The following KRT6C variants were observed in gnomAD, a reference collection of about 807,000 sequenced individuals.
KRT6C encodes the protein keratin, type II cytoskeletal 6C.
Under a neutral mutation model 49.4 loss-of-function variants are expected in KRT6C, and 46 were observed. The ratio of observed to expected loss-of-function variants is 0.93; its 90% CI spans 0.74 to 1.19. The LOEUF is 1.19. Among genes scored for constraint, KRT6C ranks in the 50% most tolerant of loss-of-function variants. The pLI, the probability that KRT6C is intolerant of heterozygous loss-of-function variation, is 0.00. For synonymous variants in KRT6C, 236 were observed against 297.1 expected (o/e 0.79, Z 2.12); for missense variants, 552 against 737.5 (o/e 0.75, Z 2.91).
rs1802268032 is a variant in KRT6C at position 52,471,671 on chromosome 12, CCTT to C, written c.814_816del (p.Lys272del). The C allele has an allele frequency of 6.2e-7, 1 of 1,612,800 alleles. No homozygotes were observed. Among genetic ancestry groups the C allele is most frequent in the African/African-American group, 1.3e-5 (1 of 74,452 alleles). ...TTGAACCCCCGGCTTCATCTGCTCA[CCTT>C]CTTCAGAGTCACAAATTCATTCTCT... On this transcript the variant is annotated inframe_deletion and splice_region_variant, in exon 3 of 9. Coordinates refer to ENST00000252250, the MANE Select transcript of KRT6C (RefSeq NM_173086.5).
chr12:52,472,764 C>G (rs1937910329), intron 1 of KRT6C, among the ~76,000 whole-genome samples: 2 of 138,494 alleles, frequency 1.4e-5, no homozygotes, highest in South Asian at 4.6e-4. Context: ...CCATGTTTTA[C>G]AGTTGTTTCT....
intron 6 of KRT6C, chr12:52,470,155 T>A: frequency 1.6e-6 from 1 of 610,746 alleles, no homozygotes; most frequent in Non-Finnish European, 2.9e-6. Flanking sequence ...ACAAGCCATA[T>A]GGAAGATGAA....
rs1271611706 is a variant in KRT6C, at chr12:52,468,605, T to A, written c.*457A>T. ...AGAAAGACTGTGTACATCATACGAC[T>A]AGTCACTTGTGCTTCCATGCATACT... On this transcript the variant is annotated 3_prime_UTR_variant, in exon 9 of 9. Transcript: ENST00000252250. 1 of 211,308 alleles carries A rather than the reference T, an allele frequency of 4.7e-6. No homozygotes were observed. The highest frequency in any genetic ancestry group is 2.3e-5 in the African/African-American group (1 of 43,620). 13.1% of individuals were successfully genotyped at this position (211,308 alleles called of 1,614,324 possible). A position where few individuals can be genotyped will look rare whatever the true frequency, so the allele number is the denominator to read the frequency against.
intron 1 of KRT6C, among the ~76,000 whole-genome samples, chr12:52,472,962 C>A (rs934188868): frequency 6.6e-6 from 1 of 150,594 alleles, no homozygotes; most frequent in African/African-American, 2.4e-5. Flanking sequence ...ATCTGTGCTT[C>A]AGGGTTATGA....
Position 52,471,247 on chromosome 12 carries a change from G to C in KRT6C, c.962C>G (p.Ser321Cys). The stretch of plus-strand genomic sequence containing the variant: ...GTCCAGGTTGCGGTTGTTGTCCATG[G>C]ATAGCACCACGGATGTGTCTGAGAT... ...THISDTSVVL[S>C]MDNNRNLDLD... The change falls in exon 5 of 9, where the codon TCC becomes TGC. Residue 321 changes from serine (S) to cysteine (C), a missense_variant. Transcript: ENST00000252250. 1 of 1,614,184 alleles carries C rather than the reference G, an allele frequency of 6.2e-7. No individual in the cohort carries two copies. Among genetic ancestry groups the C allele is most frequent in the South Asian group, 1.1e-5 (1 of 91,084 alleles).
rs746379064 is a variant in KRT6C at position 52,472,169 on chromosome 12, T to G, written c.652A>C (p.Ile218Leu). 4.7e-6 allele frequency: 7 copies of G among 1,501,202 alleles called. 1 individual carries two copies. In the African/African-American group the frequency reaches 6.7e-5, roughly 14 times the overall value. The allele number at this position is 1,501,202 out of a possible 1,614,324, so 93.0% of individuals were successfully genotyped here. Residue 218 changes from isoleucine (I) to leucine (L), a missense_variant, in exon 2 of 9, where the codon ATC (isoleucine) becomes CTC (leucine). Physicochemically the swap from Ile to Leu is conservative, Grantham distance 5. This residue lies in a region of KRT6C where 425 missense variants were observed against 439.4 expected (regional missense o/e 0.97). Coordinates refer to ENST00000252250, the MANE Select transcript of KRT6C (RefSeq NM_173086.5). ...TCCAGCTGCCTCCTGAGGTTGTTGA[T>G]GTACTGCTCGAACAACGGCTCCAGG... Reference protein sequence around the residue: ...QNLEPLFEQYINNLRRQLDSI... With the variant: ...QNLEPLFEQYLNNLRRQLDSI...
chr12:52,469,612 G>A (rs1937836213), intron 7 of KRT6C, 58 bp downstream of exon 7: 1 of 1,614,010 alleles, frequency 6.2e-7, no homozygotes, highest in Non-Finnish European at 8.5e-7. Context: ...ATTGTGCTCA[G>A]TGCCAGGAAC....
chr12:52,469,735 A>G lies in KRT6C; in HGVS notation c.1359T>C (p.Asn453=), dbSNP rs376399948. 220 of 1,614,030 alleles carry G rather than the reference A, an allele frequency of 1.4e-4. No individual in the cohort carries two copies. The highest frequency in any genetic ancestry group is 1.8e-4 in the Non-Finnish European group (214 of 1,179,962). The change falls in exon 7 of 9, where the codon AAT becomes AAC. Residue 453 remains asparagine, a synonymous_variant. Coordinates refer to ENST00000252250, the MANE Select transcript of KRT6C (RefSeq NM_173086.5). ...RLLKEYQELM[N]VKLALDVEIA... ...TCTCCACATCCAGGGCCAGCTTGAC[A>G]TTCATCAGCTCCTGGTACTCCTTCA...
intron 4 of KRT6C, 58 bp from the exon 5 acceptor site, chr12:52,471,354 A>G (rs895170677): frequency 5.0e-6 from 8 of 1,614,016 alleles, no homozygotes; most frequent in African/African-American, 4.0e-5. Flanking sequence ...GAGATACCCA[A>G]CCCTATACAT....
Position 52,472,608 on chromosome 12 carries a change from GT to G in KRT6C, c.541-329del, listed in dbSNP as rs539755033. ...CTAATTACCTGATATATTGTACACA[GT>G]TTTTTTACTGATAGGATCTTAGTTA... On this transcript the variant is annotated intron_variant, in intron 1 of 8. Coordinates refer to ENST00000252250, the MANE Select transcript of KRT6C (RefSeq NM_173086.5). Among the ~76,000 whole-genome samples, 7 of 134,934 alleles carry G rather than the reference GT, an allele frequency of 5.2e-5. 3 individuals are homozygous for G. Among genetic ancestry groups the G allele is most frequent in the South Asian group, 2.3e-4 (1 of 4,272 alleles). The allele number at this position is 134,934 out of a possible 152,430, so 88.5% of individuals were successfully genotyped here. A position where few individuals can be genotyped will look rare whatever the true frequency, so the allele number is the denominator to read the frequency against.
chr12:52,469,933 C>G, intron 6 of KRT6C, 43 bp from the exon 7 acceptor site: 1 of 1,610,440 alleles, frequency 6.2e-7, no homozygotes, highest in Non-Finnish European at 8.5e-7. Flanking sequence ...GTCTGCTCCT[C>G]CGGAGGAGGC....
intron 4 of KRT6C, 24 bp from the exon 5 acceptor site, chr12:52,471,320 T>C (rs763939671): frequency 2.8e-5 from 45 of 1,614,058 alleles, no homozygotes; most frequent in Non-Finnish European, 3.6e-5. Context: ...GGTCATAAGA[T>C]CAACTTCACA....
In KRT6C at chr12:52,471,834, T is replaced by G. The variant is rs7969388; in HGVS notation, c.756-102A>C. 0.014 allele frequency: 20,807 copies of G among 1,441,734 alleles called. 1,915 individuals are homozygous for G. The African/African-American group carries it at 0.22, about 15-fold the overall frequency. 89.3% of individuals were successfully genotyped at this position (1,441,734 alleles called of 1,614,324 possible). On this transcript the variant is annotated intron_variant, in intron 2 of 8. Coordinates refer to ENST00000252250, the MANE Select transcript of KRT6C (RefSeq NM_173086.5). Reference sequence around the variant, plus strand: ...TTTCCTGAATGGAATATATTCTAATTGAGCTTTCCTGCCACAGAGAGCCAA... The same window carrying G: ...TTTCCTGAATGGAATATATTCTAATGGAGCTTTCCTGCCACAGAGAGCCAA...
In KRT6C at chr12:52,469,321, C is replaced by A. The variant is rs746565168; in HGVS notation, c.1460-24G>T. On this transcript the variant is annotated intron_variant, in intron 8 of 8. Coordinates refer to ENST00000252250, the MANE Select transcript of KRT6C (RefSeq NM_173086.5). ...AGCTGTGGTGGGGAGGGGACAAGGA[C>A]ACAAGAAGCCACGGTGAGCTCATCC... The A allele has an allele frequency of 6.8e-6, 11 of 1,613,842 alleles. No individual in the cohort carries two copies. In the East Asian group the frequency reaches 1.1e-4, roughly 16 times the overall value.
chr12:52,469,485 C>T (rs1193536379), intron 7 of KRT6C, 40 bp from the exon 8 acceptor site: 1 of 1,613,962 alleles, frequency 6.2e-7, no homozygotes, highest in South Asian at 1.1e-5. Context: ...CCTCAGAGAG[C>T]TCTTCCTTCC....
At position 52,470,627 on chromosome 12, in the gene KRT6C, C is replaced by A. The variant is rs746522586; in HGVS notation, c.1081G>T (p.Glu361Ter). 6.2e-7 allele frequency: 1 copy of A among 1,613,838 alleles called. No individual in the cohort carries two copies. Among genetic ancestry groups the A allele is most frequent in the Non-Finnish European group, 8.5e-7 (1 of 1,179,992 alleles). Residue 361 changes from glutamate (E) to a stop codon, truncating the protein, a stop_gained, in exon 6 of 9, where the codon GAG (glutamate) becomes TAG (stop). Coordinates refer to ENST00000252250, the MANE Select transcript of KRT6C (RefSeq NM_173086.5). LOFTEE classifies it high-confidence loss of function. ...EAESWYQTKY[E>*]ELQVTAGRHG... ...CTGCCTGCTGTGACCTGCAGCTCCT[C>A]GTACTGCAGCCCAGAGGTGGAGAGA...
chr12:52,471,195 C>G lies in KRT6C; in HGVS notation c.1014G>C (p.Lys338Asn), dbSNP rs781427881. ...LDLDSIIAEV[K>N]AQYEEIAQRS... ...TCTGAGCAATCTCCTCGTATTGGGC[C>G]TTGACCTCAGCGATGATGCTGTCCA... Residue 338 changes from lysine (K) to asparagine (N), a missense_variant, in exon 5 of 9, where the codon AAG (lysine) becomes AAC (asparagine). Lys to Asn is a moderately conservative substitution (Grantham distance 94, BLOSUM62 0). Coordinates refer to ENST00000252250, the MANE Select transcript of KRT6C (RefSeq NM_173086.5). 6.2e-7 allele frequency: 1 copy of G among 1,614,216 alleles called. No individual in the cohort carries two copies. Among genetic ancestry groups the G allele is most frequent in the Non-Finnish European group, 8.5e-7 (1 of 1,180,044 alleles).
At position 52,472,255 on chromosome 12, in the gene KRT6C, T is replaced by G. The variant is rs1391983735; in HGVS notation, c.566A>C (p.Lys189Thr). Residue 189 changes from lysine to threonine, a missense_variant, in exon 2 of 9, where the codon AAG becomes ACG. Physicochemically the swap from Lys to Thr is moderately conservative, Grantham distance 78. Around this residue, in one of 3 missense-constraint regions of KRT6C, gnomAD observed 54 missense variants for 195.9 expected, o/e 0.28. Coordinates refer to ENST00000252250, the MANE Select transcript of KRT6C (RefSeq NM_173086.5). ...CAGGGTCCACTTGGTGTCCAGAACC[T>G]TGTTCTGCTGCTCTAGGAACCGCAC... ...DKVRFLEQQN[K>T]VLDTKWTLLQ... 1 of 1,422,290 alleles carries G rather than the reference T, an allele frequency of 7.0e-7. No individual in the cohort carries two copies. Among genetic ancestry groups the G allele is most frequent in the Non-Finnish European group, 9.7e-7 (1 of 1,028,996 alleles). 88.1% of individuals were successfully genotyped at this position (1,422,290 alleles called of 1,614,324 possible). A position where few individuals can be genotyped will look rare whatever the true frequency, so the allele number is the denominator to read the frequency against.
Position 52,470,640 on chromosome 12 carries a change from A to G in KRT6C, c.1078-10T>C. On this transcript the variant is annotated splice_polypyrimidine_tract_variant and intron_variant, in intron 5 of 8. Transcript: ENST00000252250. ...CCTGCAGCTCCTCGTACTGCAGCCCAGAGGTGGAGAGAGAGACAGTGTCTA... is the reference window on the plus strand; with the variant it reads ...CCTGCAGCTCCTCGTACTGCAGCCCGGAGGTGGAGAGAGAGACAGTGTCTA... The G allele has an allele frequency of 6.2e-7, 1 of 1,613,886 alleles. No individual in the cohort carries two copies. The highest frequency in any genetic ancestry group is 2.2e-5 in the East Asian group (1 of 44,846).
Sources: allele counts gnomAD v4.1 joint callset (sites outside exome capture counted in the v4.1 genomes callset), GRCh38; gene constraint gnomAD v4.1.1; regional missense constraint gnomAD v4.1.1; transcripts MANE v1.5; gene names NCBI Gene and HGNC (gene_info 2026-07-23, HGNC 2026-07-21).